Variants in TBXA2R observed in about 807,000 individuals in gnomAD.
TBXA2R encodes the protein prostanoid TP receptor.
TBXA2R carries 15 observed loss-of-function variants against 15.6 expected under a neutral mutation model. The observed-to-expected ratio is 0.96, with a 90% CI of 0.64 to 1.48. The LOEUF is 1.48. Among genes scored for constraint, TBXA2R ranks in the 40% most tolerant of loss-of-function variants. The pLI is 0.00. For synonymous variants in TBXA2R, 280 were observed against 241.2 expected, an observed-to-expected ratio of 1.16 and a Z score of -1.49; for missense variants, 506 against 491.4, an observed-to-expected ratio of 1.03 and a Z score of -0.28.
intron 2 of TBXA2R, among the ~76,000 whole-genome samples, chr19:3,596,693 T>A (rs2145286312): frequency 6.6e-6 from 1 of 151,392 alleles, no homozygotes; most frequent in East Asian, 1.9e-4. Flanking sequence ...GCCATTCTCC[T>A]GCCTCAGCCT....
At chr19:3,606,089 C>T (rs1024764015) in intron 1 of TBXA2R, among the ~76,000 whole-genome samples, 5 of 152,146 alleles carry the variant, frequency 3.3e-5, no homozygotes, top group Non-Finnish European at 7.4e-5. Flanking sequence ...CACGGTCACA[C>T]ACACAAAACC....
At chr19:3,596,624 T>C (rs1330840339) in intron 2 of TBXA2R, among the ~76,000 whole-genome samples, 1 of 143,504 alleles carries the variant, frequency 7.0e-6, no homozygotes, top group East Asian at 1.9e-4. Flanking sequence ...TGTCTCAAAA[T>C]AAATAAATAA....
In TBXA2R at chr19:3,600,523, C is replaced by G; in HGVS notation, c.112G>C (p.Gly38Arg). Residue 38 changes from glycine to arginine, a missense_variant, in exon 2 of 3, where the codon GGC (glycine) becomes CGC (arginine). Gly to Arg is a moderately radical substitution (Grantham distance 125). Coordinates refer to ENST00000375190, the MANE Select transcript of TBXA2R (RefSeq NM_001060.6). ...PWFAASFCVVGLASNLLALSV... is the reference protein window; with the variant it reads ...PWFAASFCVVRLASNLLALSV... Reference sequence around the variant, plus strand: ...AGGGCCAGCAGGTTGGAGGCCAGGCCCACCACGCAGAAGGAGGCGGCGAAC... The same window carrying G: ...AGGGCCAGCAGGTTGGAGGCCAGGCGCACCACGCAGAAGGAGGCGGCGAAC... The G allele has an allele frequency of 6.2e-7, 1 of 1,612,352 alleles. No individual in the cohort carries two copies. Among genetic ancestry groups the G allele is most frequent in the Non-Finnish European group, 8.5e-7 (1 of 1,179,320 alleles).
rs1403352604 is a variant in TBXA2R, at chr19:3,599,997, A to C, written c.638T>G (p.Leu213Arg). ...LGGLSVGLSF[L>R]LNTVSVATLC... ...GGTGGCCACGCTGACCGTGTTCAGC[A>C]GGAAGGACAGCCCGACCGAGAGGCC... is the stretch of plus-strand genomic sequence containing the variant. The change falls in exon 2 of 3, where the codon CTG (leucine) becomes CGG (arginine). Residue 213 changes from leucine to arginine, a missense_variant. Physicochemically the swap from Leu to Arg is moderately radical, Grantham distance 102. Coordinates refer to ENST00000375190, the MANE Select transcript of TBXA2R (RefSeq NM_001060.6). 2 of 1,609,686 alleles carry C rather than the reference A, an allele frequency of 1.2e-6. No homozygotes were observed. Among genetic ancestry groups the C allele is most frequent in the South Asian group, 2.2e-5 (2 of 90,500 alleles).
chr19:3,595,397 C>A lies in TBXA2R; in HGVS notation c.*291G>T, dbSNP rs570239890. The A allele has an allele frequency of 1.7e-5, 23 of 1,388,542 alleles. No individual in the cohort carries two copies. In the African/African-American group the frequency reaches 2.3e-4, roughly 14 times the overall value. The allele number at this position is 1,388,542 out of a possible 1,614,324, so 86.0% of individuals were successfully genotyped here. A position where few individuals can be genotyped will look rare whatever the true frequency, so the allele number is the denominator to read the frequency against. ...CCGTCTAAAAAAAAAAATAGCAATG[C>A]AAGACCCTCTTCCAATGTCTGCATG... On this transcript the variant is annotated 3_prime_UTR_variant, in exon 3 of 3. Coordinates refer to ENST00000375190, the MANE Select transcript of TBXA2R (RefSeq NM_001060.6).
rs994159542 is a variant in TBXA2R at position 3,594,943 on chromosome 19, A to C, written c.*745T>G. On this transcript the variant is annotated 3_prime_UTR_variant, in exon 3 of 3. Coordinates refer to ENST00000375190, the MANE Select transcript of TBXA2R (RefSeq NM_001060.6). ...TCAAAGAGCATGCAAGGCCGGGCGCAGTGGCTTACGCCTGTAATCCCAGCT... is the reference window on the plus strand; with the variant it reads ...TCAAAGAGCATGCAAGGCCGGGCGCCGTGGCTTACGCCTGTAATCCCAGCT... 6.5e-7 allele frequency: 1 copy of C among 1,535,970 alleles called. No individual in the cohort carries two copies. The highest frequency in any genetic ancestry group is 2.0e-5 in the Admixed American group (1 of 50,990).
In TBXA2R at chr19:3,595,406, C is replaced by G. The variant is rs8100569; in HGVS notation, c.*282G>C. On this transcript the variant is annotated 3_prime_UTR_variant, in exon 3 of 3. Transcript: ENST00000375190. The stretch of plus-strand genomic sequence containing the variant: ...AAAAAAAATAGCAATGCAAGACCCT[C>G]TTCCAATGTCTGCATGCCCTTCCTG... 4.8e-3 allele frequency: 6,671 copies of G among 1,393,842 alleles called. 254 individuals carry two copies. In the African/African-American group the frequency reaches 0.086, roughly 18 times the overall value. The allele number at this position is 1,393,842 out of a possible 1,614,324, so 86.3% of individuals were successfully genotyped here.
rs1314018225 is a variant in TBXA2R, at chr19:3,600,407, C to A, written c.228G>T (p.Leu76=). 4.3e-6 allele frequency: 7 copies of A among 1,613,268 alleles called. No homozygotes were observed. In the African/African-American group the frequency reaches 8.0e-5, roughly 18 times the overall value. Residue 76 remains leucine, a synonymous_variant, in exon 2 of 3, where the codon CTG becomes CTT. Coordinates refer to ENST00000375190, the MANE Select transcript of TBXA2R (RefSeq NM_001060.6). The part of the protein sequence containing the change: ...FLCGLVLTDF[L]GLLVTGTIVV... ...CGATGGTACCGGTCACCAGCAGCCC[C>A]AGGAAGTCGGTGAGGACGAGGCCGC...
chr19:3,597,088 C>G (rs1018233191), intron 2 of TBXA2R, among the ~76,000 whole-genome samples: 2 of 151,332 alleles, frequency 1.3e-5, no homozygotes, highest in Admixed American at 1.3e-4. Context: ...TACAGGCATG[C>G]ACCACCACAT....
chr19:3,600,971 G>T (rs934088200), intron 1 of TBXA2R, among the ~76,000 whole-genome samples: 27 of 151,446 alleles, frequency 1.8e-4, no homozygotes, highest in African/African-American at 4.9e-4. Context: ...TGGGACTACA[G>T]GCACATACCC....
chr19:3,603,990 G>C (rs971232658), intron 1 of TBXA2R, among the ~76,000 whole-genome samples: 2 of 152,202 alleles, frequency 1.3e-5, no homozygotes, highest in Non-Finnish European at 2.9e-5. Context: ...CTGGGGAGAG[G>C]TGTGGACCCA....
chr19:3,599,368 C>T (rs558628097), intron 2 of TBXA2R, among the ~76,000 whole-genome samples: 45 of 148,630 alleles, frequency 3.0e-4, no homozygotes, highest in African/African-American at 1.1e-3. Flanking sequence ...CTCGCTCTGT[C>T]GCCCAGGCTG....
intron 1 of TBXA2R, among the ~76,000 whole-genome samples, chr19:3,605,332 C>T (rs988404923): frequency 1.3e-5 from 2 of 152,258 alleles, no homozygotes; most frequent in African/African-American, 2.4e-5. Context: ...ACCGTGTGTG[C>T]ACACTCGAGA....
At position 3,600,277 on chromosome 19, in the gene TBXA2R, G is replaced by A; in HGVS notation, c.358C>T (p.Leu120=). Residue 120 remains leucine, a synonymous_variant, in exon 2 of 3, where the codon CTG becomes TTG. Coordinates refer to ENST00000375190, the MANE Select transcript of TBXA2R (RefSeq NM_001060.6). ...VVMIFFGLSP[L]LLGAAMASER... ...GAGGCCATGGCGGCCCCCAGCAGCA[G>A]CGGGGACAGGCCGAAGAAGATCATG... The A allele has an allele frequency of 6.2e-7, 1 of 1,612,578 alleles. No homozygotes were observed. Among genetic ancestry groups the A allele is most frequent in the Non-Finnish European group, 8.5e-7 (1 of 1,179,684 alleles).
chr19:3,594,805 T>C lies in TBXA2R; in HGVS notation c.*883A>G, dbSNP rs1385873418. On this transcript the variant is annotated 3_prime_UTR_variant, in exon 3 of 3. Coordinates refer to ENST00000375190, the MANE Select transcript of TBXA2R (RefSeq NM_001060.6). ...TAAAACCAAAGGCAGAGATATATTTTGGCAAGAAAAGGGGGTGCCCCCGTT... is the reference window on the plus strand; with the variant it reads ...TAAAACCAAAGGCAGAGATATATTTCGGCAAGAAAAGGGGGTGCCCCCGTT... 6.0e-6 allele frequency: 9 copies of C among 1,512,246 alleles called. No homozygotes were observed. The highest frequency in any genetic ancestry group is 3.4e-4 in the Middle Eastern group (2 of 5,876). 93.7% of individuals were successfully genotyped at this position (1,512,246 alleles called of 1,614,324 possible).
Position 3,600,144 on chromosome 19 carries a change from C to T in TBXA2R, c.491G>A (p.Gly164Asp). ...ACCCACGCCCAGCAGGGGCAGCAGG[C>T]CCAGCGCCAGCGCGGCCGCCCACAC... The part of the protein sequence containing the change: ...GLVWAAALAL[G>D]LLPLLGVGRY... Residue 164 changes from glycine (G) to aspartate (D), a missense_variant, in exon 2 of 3, where the codon GGC becomes GAC. Gly to Asp is a moderately conservative substitution (Grantham distance 94). Coordinates refer to ENST00000375190, the MANE Select transcript of TBXA2R (RefSeq NM_001060.6). The T allele has an allele frequency of 3.1e-6, 5 of 1,608,940 alleles. No individual in the cohort carries two copies. Among genetic ancestry groups the T allele is most frequent in the Middle Eastern group, 1.7e-4 (1 of 6,016 alleles).
intron 1 of TBXA2R, among the ~76,000 whole-genome samples, chr19:3,603,863 C>A (rs540230642): frequency 6.6e-6 from 1 of 152,206 alleles, no homozygotes; most frequent in Non-Finnish European, 1.5e-5. Context: ...AATGGGGGGA[C>A]CGGGCAGGGC....
At position 3,600,328 on chromosome 19, in the gene TBXA2R, G is replaced by A. The variant is rs1170022104; in HGVS notation, c.307C>T (p.Arg103Cys). 2 of 1,613,200 alleles carry A rather than the reference G, an allele frequency of 1.2e-6. No individual in the cohort carries two copies. The highest frequency in any genetic ancestry group is 1.7e-5 in the Admixed American group (1 of 60,016). The part of the protein sequence containing the change: ...FEWHAVDPGC[R>C]LCRFMGVVMI... ...ACGACGCCCATGAAGCGACAGAGAC[G>A]GCAGCCAGGGTCCACGGCGTGCCAC... The change falls in exon 2 of 3, where the codon CGT becomes TGT. Residue 103 changes from arginine (R) to cysteine (C), a missense_variant. Physicochemically the swap from Arg to Cys is radical, Grantham distance 180 (BLOSUM62 -3). Transcript: ENST00000375190.
At chr19:3,605,709 GAC>G (rs2032818498) in intron 1 of TBXA2R, among the ~76,000 whole-genome samples, 1 of 150,314 alleles carries the variant, frequency 6.7e-6, no homozygotes, top group African/African-American at 2.5e-5. Flanking sequence ...GGCATGCACA[GAC>G]ACACATACAG....
Sources: gnomAD v4.1 joint callset for allele counts (sites outside exome capture counted in the v4.1 genomes callset) on GRCh38, gnomAD v4.1.1 for gene constraint, MANE v1.5 for transcripts, NCBI Gene and HGNC (gene_info 2026-07-23, HGNC 2026-07-21) for gene names.